Variants in DMD observed in about 807,000 individuals in gnomAD.
The protein encoded by DMD is dystrophin.
In DMD, 63 loss-of-function variants were observed where a neutral mutation model predicts 330.1. That is an observed-to-expected ratio of 0.19 (90% CI 0.16 to 0.24). The LOEUF (loss-of-function observed/expected upper bound fraction) is 0.24, where lower values mean the gene tolerates loss of function less well. Among genes scored for constraint, DMD ranks in the 10% least tolerant of loss-of-function variants. DMD has a pLI of 1.00. For synonymous variants in DMD, 1,223 were observed against 959.8 expected (o/e 1.27, Z -5.07); for missense variants, 3,344 against 2,684.1 (o/e 1.25, Z -5.43).
intron 51 of DMD, among the ~76,000 whole-genome samples, chrX:31,769,219 C>T (rs763421028): frequency 1.8e-5 from 2 of 111,991 alleles, no homozygotes; most frequent in Admixed American, 1.9e-4. Flanking sequence ...TGGTCTGAAT[C>T]TCATAACTAA....
At chrX:32,844,698 T>C (rs1409884322) in intron 4 of DMD, 85 bp downstream of exon 4, 2 of 796,674 alleles carry the variant, frequency 2.5e-6, no homozygotes, top group Non-Finnish European at 3.8e-6. Context: ...TGAAATACTT[T>C]CTCTGCATTT....
intron 44 of DMD, among the ~76,000 whole-genome samples, chrX:32,058,370 C>T (rs181013864): frequency 4.4e-4 from 48 of 109,632 alleles, no homozygotes; most frequent in Admixed American, 2.7e-3. Flanking sequence ...ACATGAGGAA[C>T]GTAATAACAA....
intron 2 of DMD, among the ~76,000 whole-genome samples, chrX:33,010,081 C>CATATGTGTATATATACACATGTGCACAT (rs377380041): frequency 1.7e-5 from 1 of 58,381 alleles, no homozygotes; most frequent in African/African-American, 8.7e-5. Flanking sequence ...CAAATGTGCA[C>CATATGTGTATATATACACATGTGCACAT]ATGTGTATAT....
chrX:32,361,520 T>C (rs1362977356), intron 37 of DMD, among the ~76,000 whole-genome samples: 1 of 111,892 alleles, frequency 8.9e-6, no homozygotes, highest in Non-Finnish European at 1.9e-5. Context: ...TGAATTAAGG[T>C]AAACTAACAA....
At chrX:33,161,901 T>C (rs769254243) in intron 1 of DMD, among the ~76,000 whole-genome samples, 6 of 112,231 alleles carry the variant, frequency 5.3e-5, no homozygotes, top group Non-Finnish European at 1.1e-4. Context: ...TCCAAGTTCA[T>C]CTCTCAAAAT....
At chrX:31,943,878 TGA>T (rs536982335) in intron 45 of DMD, among the ~76,000 whole-genome samples, 3,035 of 74,086 alleles carry the variant, frequency 0.041, 54 homozygotes, top group East Asian at 0.065. Context: ...CCCCAGAGAG[TGA>T]GAGAGAGAGA....
intron 52 of DMD, among the ~76,000 whole-genome samples, chrX:31,713,140 T>C (rs1440379400): frequency 8.9e-6 from 1 of 111,976 alleles, no homozygotes; most frequent in African/African-American, 3.2e-5. Context: ...GTACTGTCAC[T>C]GTTAGAGTGT....
At chrX:32,509,180 A>T (rs1336259653) in intron 18 of DMD, among the ~76,000 whole-genome samples, 1 of 67,263 alleles carries the variant, frequency 1.5e-5, no homozygotes, top group Non-Finnish European at 2.5e-5. Flanking sequence ...AACCACATAT[A>T]AAAAGTGTTA....
At chrX:32,880,038 A>G (rs896138452) in intron 2 of DMD, among the ~76,000 whole-genome samples, 1 of 111,259 alleles carries the variant, frequency 9.0e-6, no homozygotes, top group African/African-American at 3.3e-5. Flanking sequence ...CATAAAAAAA[A>G]ACTTCCTGGT....
intron 54 of DMD, among the ~76,000 whole-genome samples, chrX:31,649,267 A>G (rs757526342): frequency 1.1e-4 from 12 of 111,587 alleles, no homozygotes; most frequent in African/African-American, 3.3e-5. Flanking sequence ...TTCTAAGCAT[A>G]TATTTTGGTG....
chrX:32,857,140 C>T (rs1603449507), intron 2 of DMD, among the ~76,000 whole-genome samples: 1 of 111,591 alleles, frequency 9.0e-6, no homozygotes, highest in Non-Finnish European at 1.9e-5. Flanking sequence ...CTTGAGGTGA[C>T]AGATACTTCA....
intron 8 of DMD, among the ~76,000 whole-genome samples, chrX:32,698,326 C>G (rs998671081): frequency 4.5e-5 from 5 of 111,349 alleles, no homozygotes; most frequent in Non-Finnish European, 9.4e-5. Context: ...GCAATTTTCT[C>G]TAAATCCAAA....
intron 52 of DMD, among the ~76,000 whole-genome samples, chrX:31,715,948 G>C (rs1352962589): frequency 8.9e-6 from 1 of 111,807 alleles, no homozygotes; most frequent in Non-Finnish European, 1.9e-5. Context: ...GCTCCCCTGC[G>C]AGACAGTCCA....
At chrX:32,497,798 A>T (rs1460358003) in intron 19 of DMD, among the ~76,000 whole-genome samples, 2 of 111,431 alleles carry the variant, frequency 1.8e-5, no homozygotes, top group Middle Eastern at 4.6e-3. Context: ...GGTTGTCCTA[A>T]AACTCCACAA....
intron 60 of DMD, among the ~76,000 whole-genome samples, chrX:31,392,164 G>A (rs2060711664): frequency 8.9e-6 from 1 of 112,122 alleles, no homozygotes; most frequent in Non-Finnish European, 1.9e-5. Flanking sequence ...GACAAGAACT[G>A]CCACTCTTCC....
At chrX:33,068,366 C>A (rs1252131578) in intron 1 of DMD, among the ~76,000 whole-genome samples, 1 of 112,074 alleles carries the variant, frequency 8.9e-6, no homozygotes, top group African/African-American at 3.2e-5. Flanking sequence ...GTGAGTCTAA[C>A]AGCCAGGAGA....
intron 62 of DMD, among the ~76,000 whole-genome samples, chrX:31,266,292 G>T (rs775008031): frequency 2.9e-4 from 32 of 110,193 alleles, no homozygotes; most frequent in African/African-American, 1.0e-3. Flanking sequence ...GAATGAGCAC[G>T]GTAGAAAATG....
At chrX:31,234,937 T>C (rs2047571087) in intron 63 of DMD, among the ~76,000 whole-genome samples, 1 of 107,591 alleles carries the variant, frequency 9.3e-6, no homozygotes, top group Admixed American at 9.9e-5. Context: ...GTAAGGGGGA[T>C]TCTAGCTAAA....
chrX:33,106,307 A>G (rs4829279), intron 1 of DMD, among the ~76,000 whole-genome samples: 42,306 of 109,632 alleles, frequency 0.39, 6,254 homozygotes, highest in East Asian at 0.85. Flanking sequence ...ATGAGGGATA[A>G]AAAACTACAT....
Sources: allele counts gnomAD v4.1 joint callset (sites outside exome capture counted in the v4.1 genomes callset), GRCh38; gene constraint gnomAD v4.1.1; transcripts MANE v1.5; gene names NCBI Gene and HGNC (gene_info 2026-07-23, HGNC 2026-07-21).